Variants in ARHGAP24 observed in about 807,000 individuals in gnomAD.
ARHGAP24 encodes the protein Rho GTPase activating protein 24.
Under a neutral mutation model 76.4 loss-of-function variants are expected in ARHGAP24, and 50 were observed. That is an observed-to-expected ratio of 0.65 (90% CI 0.52 to 0.83). The LOEUF (loss-of-function observed/expected upper bound fraction) is 0.83, where lower values mean the gene tolerates loss of function less well. ARHGAP24 is among the 40% of genes least tolerant of loss of function. The pLI is 0.00. For synonymous variants in ARHGAP24, 345 were observed against 323.3 expected (o/e 1.07, Z -0.72); for missense variants, 930 against 914.2 (o/e 1.02, Z -0.22).
intron 2 of ARHGAP24, among the ~76,000 whole-genome samples, chr4:85,596,251 A>G (rs760704767): frequency 1.3e-5 from 2 of 152,006 alleles, no homozygotes; most frequent in Non-Finnish European, 2.9e-5. Context: ...GGATTTCTAC[A>G]TACTTTGCTA....
At chr4:85,944,362 A>G (rs759758308) in intron 5 of ARHGAP24, among the ~76,000 whole-genome samples, 2 of 152,164 alleles carry the variant, frequency 1.3e-5, no homozygotes, top group Non-Finnish European at 2.9e-5. Flanking sequence ...AAAATAGCCT[A>G]CTGTCTACTT....
At chr4:85,748,930 T>C (rs1726150343) in intron 3 of ARHGAP24, among the ~76,000 whole-genome samples, 1 of 152,184 alleles carries the variant, frequency 6.6e-6, no homozygotes, top group Non-Finnish European at 1.5e-5. Flanking sequence ...ATCTGCATCA[T>C]TCCTGTTTCT....
chr4:85,537,059 GA>G (rs905439685), intron 1 of ARHGAP24, among the ~76,000 whole-genome samples: 1 of 152,058 alleles, frequency 6.6e-6, no homozygotes, highest in Non-Finnish European at 1.5e-5. Flanking sequence ...TTCAGAGAAG[GA>G]AAATCATCAT....
chr4:85,771,447 C>T (rs1281613002), intron 3 of ARHGAP24, among the ~76,000 whole-genome samples: 2 of 152,210 alleles, frequency 1.3e-5, no homozygotes, highest in Admixed American at 6.5e-5. Context: ...TTCATGTCCT[C>T]GGCAGATTGC....
intron 2 of ARHGAP24, among the ~76,000 whole-genome samples, chr4:85,627,547 C>G (rs1287036257): frequency 2.0e-5 from 3 of 152,208 alleles, no homozygotes; most frequent in African/African-American, 4.8e-5. Flanking sequence ...GGCAGTCTGC[C>G]TGTTCTCAGA....
chr4:85,481,668 T>C (rs1026128588), intron 1 of ARHGAP24, among the ~76,000 whole-genome samples: 1 of 152,194 alleles, frequency 6.6e-6, no homozygotes, highest in African/African-American at 2.4e-5. Flanking sequence ...CAGTAATCTA[T>C]ATCCATTACT....
At chr4:85,726,770 C>T (rs1725184200) in intron 3 of ARHGAP24, among the ~76,000 whole-genome samples, 1 of 152,174 alleles carries the variant, frequency 6.6e-6, no homozygotes, top group African/African-American at 2.4e-5. Flanking sequence ...GCACGTATCG[C>T]TTTATTTAAT....
At chr4:85,722,880 A>G (rs1414221234) in intron 3 of ARHGAP24, among the ~76,000 whole-genome samples, 2 of 152,190 alleles carry the variant, frequency 1.3e-5, no homozygotes, top group Non-Finnish European at 2.9e-5. Flanking sequence ...TCCTATATTT[A>G]TATTAAATGC....
intron 3 of ARHGAP24, among the ~76,000 whole-genome samples, chr4:85,861,902 A>G (rs1449400178): frequency 6.6e-6 from 1 of 152,024 alleles, no homozygotes; most frequent in African/African-American, 2.4e-5. Flanking sequence ...CCACATCTTT[A>G]CTCAGTTGCC....
intron 2 of ARHGAP24, among the ~76,000 whole-genome samples, chr4:85,585,943 T>C (rs769719062): frequency 4.6e-5 from 7 of 152,218 alleles, no homozygotes; most frequent in Non-Finnish European, 1.0e-4. Context: ...AGATCTCTCA[T>C]TGGAGCAACA....
intron 1 of ARHGAP24, among the ~76,000 whole-genome samples, chr4:85,554,368 A>T (rs4535330): frequency 6.6e-6 from 1 of 152,110 alleles, no homozygotes; most frequent in Non-Finnish European, 1.5e-5. Context: ...AGGTTAAGGA[A>T]GTTTTCATGG....
At chr4:85,961,263 C>T (rs868684498) in intron 5 of ARHGAP24, among the ~76,000 whole-genome samples, 8 of 151,194 alleles carry the variant, frequency 5.3e-5, no homozygotes, top group African/African-American at 2.0e-4. Flanking sequence ...CAGTCCAGTA[C>T]ACTAAGAATA....
At position 85,487,407 on chromosome 4, in the gene ARHGAP24, T is replaced by G. The variant is rs188700990; in HGVS notation, c.-21+11848T>G. On this transcript the variant is annotated intron_variant, in intron 1 of 9. Coordinates refer to ENST00000395184, the MANE Select transcript of ARHGAP24 (RefSeq NM_001025616.3). ...TATATTATATAAACATGTAAATATA[T>G]ATTTATTATATATTATATAAATATA... 3.3e-3 allele frequency among the ~76,000 whole-genome samples: 371 copies of G among 111,430 alleles called. 1 individual carries two copies. Among genetic ancestry groups the G allele is most frequent in the African/African-American group, 0.013 (351 of 26,900 alleles). 73.1% of individuals were successfully genotyped at this position (111,430 alleles called of 152,430 possible).
chr4:85,799,799 C>T (rs369908850), intron 3 of ARHGAP24, among the ~76,000 whole-genome samples: 30 of 152,242 alleles, frequency 2.0e-4, no homozygotes, highest in African/African-American at 6.3e-4. Flanking sequence ...ACTGATATCA[C>T]GTGCCTCTTG....
At chr4:85,720,916 T>A (rs1214390101) in intron 2 of ARHGAP24, among the ~76,000 whole-genome samples, 1 of 152,162 alleles carries the variant, frequency 6.6e-6, no homozygotes, top group Non-Finnish European at 1.5e-5. Context: ...GTGAGTCATG[T>A]AAGTGGAATG....
Position 85,697,222 on chromosome 4 carries a change from A to G in ARHGAP24, c.181-24663A>G, listed in dbSNP as rs913921419. ...TGTCCTTAGCACTGGACTACATTCT[A>G]AAGAAGTTATGAAGAATAATGTAAT... is the stretch of plus-strand genomic sequence containing the variant. On this transcript the variant is annotated intron_variant, in intron 2 of 9. Transcript: ENST00000395184. Among the ~76,000 whole-genome samples the G allele has an allele frequency of 3.9e-5, 6 of 152,298 alleles. No individual in the cohort carries two copies. In the East Asian group the frequency reaches 9.6e-4, roughly 24 times the overall value.
chr4:85,861,842 C>T (rs1265087154), intron 3 of ARHGAP24, among the ~76,000 whole-genome samples: 1 of 152,012 alleles, frequency 6.6e-6, no homozygotes, highest in Non-Finnish European at 1.5e-5. Flanking sequence ...TATACATGTG[C>T]AGTCACAGTT....
At chr4:85,577,883 A>T (rs1316013648) in intron 2 of ARHGAP24, among the ~76,000 whole-genome samples, 1 of 152,140 alleles carries the variant, frequency 6.6e-6, no homozygotes, top group Non-Finnish European at 1.5e-5. Flanking sequence ...GTAAGTTGTT[A>T]GAAATTGATA....
At chr4:85,656,318 AT>A (rs1204077759) in intron 2 of ARHGAP24, among the ~76,000 whole-genome samples, 1 of 152,208 alleles carries the variant, frequency 6.6e-6, no homozygotes, top group African/African-American at 2.4e-5. Flanking sequence ...TGAGATTCGT[AT>A]TTTACCAACA....
Sources: gnomAD v4.1 joint callset for allele counts (sites outside exome capture counted in the v4.1 genomes callset) on GRCh38, gnomAD v4.1.1 for gene constraint, MANE v1.5 for transcripts, NCBI Gene and HGNC (gene_info 2026-07-23, HGNC 2026-07-21) for gene names.